MAF: variants seen among roughly 807,000 people sequenced by gnomAD.
MAF encodes MAF bZIP transcription factor.
A neutral mutation model predicts 22.0 loss-of-function variants in MAF; 10 were observed. That is an observed-to-expected ratio of 0.45 (90% CI 0.28 to 0.77). The LOEUF is 0.77. Ranked by LOEUF, MAF falls within the 30% of genes least tolerant of loss-of-function variation. The pLI is 0.12. For missense variants in MAF, 544 were observed against 548.4 expected (o/e 0.99, Z 0.08); for synonymous variants, 337 against 255.8 (o/e 1.32, Z -3.03).
the MAF span, among the ~76,000 whole-genome samples, chr16:79,518,232 C>T: frequency 6.6e-6 from 1 of 152,164 alleles, no homozygotes. Flanking sequence ...AGGTTTCACC[C>T]AAGGAACATG....
At chr16:79,565,256 T>C in the MAF span, among the ~76,000 whole-genome samples, 1 of 152,116 alleles carries the variant, frequency 6.6e-6, no homozygotes, top group Non-Finnish European at 1.5e-5. Context: ...AAAAAGAAGC[T>C]TTATTGAAAC....
chr16:79,513,311 T>C, the MAF span, among the ~76,000 whole-genome samples: 1 of 152,214 alleles, frequency 6.6e-6, no homozygotes, highest in African/African-American at 2.4e-5. Context: ...GTTCTGCAAC[T>C]GACTAGCTAT....
chr16:79,491,375 C>G, the MAF span, among the ~76,000 whole-genome samples: 1 of 152,148 alleles, frequency 6.6e-6, no homozygotes, highest in African/African-American at 2.4e-5. Context: ...AACCAGCAAA[C>G]AAAAGTCTTC....
chr16:79,211,734 C>T, the MAF span: 17 of 1,614,190 alleles, frequency 1.1e-5, no homozygotes, highest in South Asian at 8.8e-5. Context: ...AGAGACGGCC[C>T]GGACCCTGTG....
At chr16:79,585,717 G>C, downstream of MAF, 1 of 548,924 alleles carries the variant, frequency 1.8e-6, no homozygotes, top group Non-Finnish European at 3.2e-6. Flanking sequence ...TACATGACAC[G>C]TGAAACCCAA....
chr16:79,503,987 T>C, the MAF span, among the ~76,000 whole-genome samples: 861 of 152,314 alleles, frequency 5.7e-3, 4 homozygotes, highest in South Asian at 0.032. Context: ...AACTGTTACA[T>C]TGCAGGGGCT....
At chr16:79,208,478 AC>A in the MAF span, among the ~76,000 whole-genome samples, 6 of 152,212 alleles carry the variant, frequency 3.9e-5, no homozygotes, top group African/African-American at 1.4e-4. Flanking sequence ...AGCATTGATG[AC>A]AACTGGCAAG....
At chr16:79,512,083 C>T in the MAF span, among the ~76,000 whole-genome samples, 6 of 152,132 alleles carry the variant, frequency 3.9e-5, no homozygotes, top group East Asian at 1.9e-4. Context: ...CCTGTGATGG[C>T]GAACTCACTA....
At chr16:79,210,130 C>A in the MAF span, among the ~76,000 whole-genome samples, 1 of 152,176 alleles carries the variant, frequency 6.6e-6, no homozygotes, top group African/African-American at 2.4e-5. Flanking sequence ...GTCTCACTCA[C>A]GGTCCACACC....
the MAF span, among the ~76,000 whole-genome samples, chr16:79,290,983 A>G: frequency 6.6e-6 from 1 of 152,066 alleles, no homozygotes; most frequent in Non-Finnish European, 1.5e-5. Flanking sequence ...CACAATGACA[A>G]TCGAGGACCA....
At chr16:79,345,716 G>C in the MAF span, among the ~76,000 whole-genome samples, 1 of 87,668 alleles carries the variant, frequency 1.1e-5, no homozygotes, top group Non-Finnish European at 2.0e-5. Context: ...AACAGAGCAA[G>C]ACTCCGTCTC....
the MAF span, among the ~76,000 whole-genome samples, chr16:79,275,263 G>A: frequency 5.2e-3 from 797 of 152,318 alleles, 4 homozygotes; most frequent in Non-Finnish European, 6.7e-3. Flanking sequence ...GGCTGAGGCA[G>A]AAGAATCACT....
chr16:79,253,681 C>T, the MAF span, among the ~76,000 whole-genome samples: 1 of 152,008 alleles, frequency 6.6e-6, no homozygotes, highest in Admixed American at 6.6e-5. Flanking sequence ...TTCCTTGCAT[C>T]TCTTTGTCCT....
the MAF span, among the ~76,000 whole-genome samples, chr16:79,428,074 AGAGT>A: frequency 2.2e-5 from 3 of 139,346 alleles, no homozygotes; most frequent in Non-Finnish European, 4.5e-5. Context: ...CCCAGGCGAC[AGAGT>A]GAGACACCGA....
chr16:79,576,748 A>G, the MAF span, among the ~76,000 whole-genome samples: 2 of 152,190 alleles, frequency 1.3e-5, no homozygotes, highest in Admixed American at 1.3e-4. Flanking sequence ...CAAGCATGGC[A>G]GAGTGTTTAC....
the MAF span, among the ~76,000 whole-genome samples, chr16:79,356,578 G>A: frequency 6.6e-6 from 1 of 152,212 alleles, no homozygotes; most frequent in Non-Finnish European, 1.5e-5. Flanking sequence ...AGGTCTCTGA[G>A]CATGCTCTCC....
At chr16:79,476,006 G>T in the MAF span, among the ~76,000 whole-genome samples, 5 of 152,118 alleles carry the variant, frequency 3.3e-5, no homozygotes, top group Non-Finnish European at 7.4e-5. Flanking sequence ...TAATCAGTTC[G>T]ACTTAATCAA....
chr16:79,561,586 G>C, the MAF span, among the ~76,000 whole-genome samples: 1 of 151,640 alleles, frequency 6.6e-6, no homozygotes, highest in Non-Finnish European at 1.5e-5. Context: ...TTGTCCTTGC[G>C]ATAGTTTGCT....
At chr16:79,589,095 A>C (rs1913034752), downstream of MAF, among the ~76,000 whole-genome samples, 1 of 151,976 alleles carries the variant, frequency 6.6e-6, no homozygotes, top group Non-Finnish European at 1.5e-5. Context: ...GAGAGTAAAA[A>C]GTAGATTTTT....
Sources: gnomAD v4.1 joint callset for allele counts (sites outside exome capture counted in the v4.1 genomes callset) on GRCh38, gnomAD v4.1.1 for gene constraint, MANE v1.5 for transcripts, NCBI Gene and HGNC (gene_info 2026-07-23, HGNC 2026-07-21) for gene names.